The following FSTL4 variants were observed in gnomAD, a reference collection of about 807,000 sequenced individuals.
The protein encoded by FSTL4 is follistatin like 4, also known as follistatin-related protein 4.
A neutral mutation model predicts 78.2 loss-of-function variants in FSTL4; 28 were observed. The ratio of observed to expected loss-of-function variants is 0.36; its 90% CI spans 0.27 to 0.49. The LOEUF is 0.49. Ranked by LOEUF, FSTL4 falls within the 20% of genes least tolerant of loss-of-function variation. The probability of loss-of-function intolerance (pLI) is 0.98; values close to 1 mark genes in which losing one functional copy is unlikely to be tolerated. For missense variants in FSTL4, 922 were observed against 1,084.9 expected (o/e 0.85, Z 2.11); for synonymous variants, 422 against 440.5 (o/e 0.96, Z 0.53).
chr5:133,222,804 G>A (rs1410817390), intron 11 of FSTL4, among the ~76,000 whole-genome samples: 1 of 152,208 alleles, frequency 6.6e-6, no homozygotes, highest in Non-Finnish European at 1.5e-5. Flanking sequence ...GCTTTTGTCT[G>A]TTCTCCTCTC....
the FSTL4 span, among the ~76,000 whole-genome samples, chr5:133,648,673 A>G: frequency 6.6e-6 from 1 of 152,320 alleles, no homozygotes; most frequent in African/African-American, 2.4e-5. Flanking sequence ...TCTGCAGGGC[A>G]AAGAAAGGGA....
At chr5:133,396,243 C>T (rs1300235857) in intron 4 of FSTL4, among the ~76,000 whole-genome samples, 4 of 152,204 alleles carry the variant, frequency 2.6e-5, no homozygotes, top group Non-Finnish European at 4.4e-5. Flanking sequence ...GCTGTTGACA[C>T]TGCGTAGAGA....
At chr5:133,676,005 T>C in the FSTL4 span, among the ~76,000 whole-genome samples, 3,993 of 151,996 alleles carry the variant, frequency 0.026, 116 homozygotes, top group East Asian at 0.13. Context: ...ACACAGGCCC[T>C]CCCCACCCTA....
chr5:133,289,276 A>G (rs1012684675), intron 6 of FSTL4, among the ~76,000 whole-genome samples: 1 of 152,126 alleles, frequency 6.6e-6, no homozygotes, highest in African/African-American at 2.4e-5. Flanking sequence ...CCCCACTCCT[A>G]ATCCTTCTTC....
At position 133,402,202 on chromosome 5, in the gene FSTL4, T is replaced by A. The variant is rs148315101; in HGVS notation, c.161-1216A>T. On this transcript the variant is annotated intron_variant, in intron 3 of 15. Coordinates refer to ENST00000265342, the MANE Select transcript of FSTL4 (RefSeq NM_015082.2). Reference sequence around the variant, plus strand: ...CGGGCGCTGCCACATTGCTTGAGTGTCCCCTGCACCCTACAACACCCACAG... The same window carrying A: ...CGGGCGCTGCCACATTGCTTGAGTGACCCCTGCACCCTACAACACCCACAG... Among the ~76,000 whole-genome samples the A allele has an allele frequency of 1.2e-3, 175 of 152,166 alleles. 2 individuals are homozygous for A. The highest frequency in any genetic ancestry group is 4.0e-3 in the African/African-American group (168 of 41,508).
chr5:133,473,335 G>A (rs925355983), intron 3 of FSTL4, among the ~76,000 whole-genome samples: 8 of 152,254 alleles, frequency 5.3e-5, no homozygotes, highest in African/African-American at 1.9e-4. Context: ...ATCAGCGACA[G>A]GGTAGAATGC....
At chr5:133,618,109 A>G in the FSTL4 span, among the ~76,000 whole-genome samples, 2 of 152,220 alleles carry the variant, frequency 1.3e-5, no homozygotes, top group Non-Finnish European at 2.9e-5. Flanking sequence ...TTTTTCCCAT[A>G]CATACATACC....
chr5:133,477,983 G>A (rs377170410), intron 3 of FSTL4, among the ~76,000 whole-genome samples: 14 of 152,188 alleles, frequency 9.2e-5, no homozygotes, highest in African/African-American at 3.4e-4. Context: ...GATGACATCT[G>A]AGGGAGACGC....
At chr5:133,580,520 T>G (rs1760378196) in intron 2 of FSTL4, among the ~76,000 whole-genome samples, 1 of 152,096 alleles carries the variant, frequency 6.6e-6, no homozygotes. Flanking sequence ...ACAAAGGAAA[T>G]GTAGAGAATA....
rs1313739614 is a variant in FSTL4, at chr5:133,364,552, G to A, written c.409+36186C>T. Among the ~76,000 whole-genome samples, 5 of 152,220 alleles carry A rather than the reference G, an allele frequency of 3.3e-5. No individual in the cohort carries two copies. In the South Asian group the frequency reaches 6.2e-4, roughly 19 times the overall value. ...CCCTCCTGACACATTAGCAAGCAAC[G>A]TTTGGGAAATTGTGCAGTTATGAGG... On this transcript the variant is annotated intron_variant, in intron 4 of 15. Transcript: ENST00000265342.
intron 4 of FSTL4, among the ~76,000 whole-genome samples, chr5:133,340,225 C>T (rs1294549918): frequency 6.6e-6 from 1 of 152,194 alleles, no homozygotes; most frequent in East Asian, 1.9e-4. Flanking sequence ...CCCAGAATGG[C>T]ACCTTGCCTG....
the FSTL4 span, among the ~76,000 whole-genome samples, chr5:133,735,347 C>A: frequency 6.6e-6 from 1 of 152,090 alleles, no homozygotes; most frequent in Non-Finnish European, 1.5e-5. Context: ...CCTATTAATT[C>A]CAGTTATTCA....
chr5:133,514,178 C>T (rs1160474465), intron 3 of FSTL4, among the ~76,000 whole-genome samples: 2 of 131,036 alleles, frequency 1.5e-5, no homozygotes, highest in East Asian at 2.2e-4. Flanking sequence ...GACTCCGTCT[C>T]AATGATAATA....
intron 6 of FSTL4, among the ~76,000 whole-genome samples, chr5:133,286,089 C>T (rs1201011170): frequency 1.3e-5 from 2 of 152,220 alleles, no homozygotes; most frequent in African/African-American, 4.8e-5. Flanking sequence ...ATGGTCACGA[C>T]ACAAGGCTGA....
chr5:133,476,714 A>G (rs186267363), intron 3 of FSTL4, among the ~76,000 whole-genome samples: 10 of 152,312 alleles, frequency 6.6e-5, no homozygotes, highest in Admixed American at 4.6e-4. Flanking sequence ...TCCATGTCCA[A>G]CATGTCCTTC....
chr5:133,328,298 C>G (rs1307576852), intron 4 of FSTL4, among the ~76,000 whole-genome samples: 1 of 152,228 alleles, frequency 6.6e-6, no homozygotes, highest in Non-Finnish European at 1.5e-5. Context: ...ATTAACAAAA[C>G]CACCCAGACC....
At chr5:133,266,384 A>G (rs1043121633) in intron 6 of FSTL4, among the ~76,000 whole-genome samples, 1 of 152,242 alleles carries the variant, frequency 6.6e-6, no homozygotes, top group Non-Finnish European at 1.5e-5. Context: ...TTGTACACGC[A>G]GGGCAATTGT....
intron 6 of FSTL4, among the ~76,000 whole-genome samples, chr5:133,309,797 A>G (rs748768809): frequency 1.3e-5 from 2 of 152,180 alleles, no homozygotes; most frequent in Non-Finnish European, 2.9e-5. Flanking sequence ...AGCTGGAGTC[A>G]CCCCACAGAC....
chr5:133,825,931 G>A, the FSTL4 span, among the ~76,000 whole-genome samples: 1 of 152,188 alleles, frequency 6.6e-6, no homozygotes, highest in South Asian at 2.1e-4. Context: ...CCCATCCCCG[G>A]CTGCTATTTA....
Sources: gnomAD v4.1 joint callset for allele counts (sites outside exome capture counted in the v4.1 genomes callset) on GRCh38, gnomAD v4.1.1 for gene constraint, MANE v1.5 for transcripts, NCBI Gene and HGNC (gene_info 2026-07-23, HGNC 2026-07-21) for gene names.